CCDC40: variants seen among roughly 807,000 people sequenced by gnomAD.
The protein encoded by CCDC40 is coiled-coil domain-containing protein 40.
CCDC40 carries 104 observed loss-of-function variants against 124.5 expected under a neutral mutation model. That is an observed-to-expected ratio of 0.84 (90% CI 0.71 to 0.98). The LOEUF is 0.98. CCDC40 is among the 50% of genes least tolerant of loss of function. The pLI, the probability that CCDC40 is intolerant of heterozygous loss-of-function variation, is 0.00. For missense variants in CCDC40, 1,463 were observed against 1,503.9 expected, an observed-to-expected ratio of 0.97 and a Z score of 0.45; for synonymous variants, 580 against 602.9, an observed-to-expected ratio of 0.96 and a Z score of 0.56.
rs8074779 is a variant in CCDC40, at chr17:80,048,395, T to C, written c.677-188T>C. The C allele has an allele frequency of 0.021, 13,283 of 647,376 alleles. 1,102 individuals are homozygous for C. Among genetic ancestry groups the C allele is most frequent in the African/African-American group, 0.2 (10,995 of 56,068 alleles). The allele number at this position is 647,376 out of a possible 1,614,324, so 40.1% of individuals were successfully genotyped here. On this transcript the variant is annotated intron_variant, in intron 4 of 19. Coordinates refer to ENST00000397545, the MANE Select transcript of CCDC40 (RefSeq NM_017950.4). ...AACGGGACGCTTTCTCTGGGATGCA[T>C]TGAGTCAGGGAATAGAAGATGGGGT...
At chr17:80,065,696 G>T in intron 10 of CCDC40, 90 bp downstream of exon 10, 3 of 1,540,960 alleles carry the variant, frequency 1.9e-6, no homozygotes, top group Non-Finnish European at 2.7e-6. Flanking sequence ...TGGGTCCACC[G>T]GATCTCTGGG....
chr17:80,094,021 C>T lies in CCDC40; in HGVS notation c.2833-1242C>T, dbSNP rs563125520. On this transcript the variant is annotated intron_variant, in intron 17 of 19. Transcript: ENST00000397545. ...CATTTTAAACCTGAGTAAGCTTGGT[C>T]TCCCTTCACCCTGCTTATCTTCGGG... is the stretch of plus-strand genomic sequence containing the variant. Among the ~76,000 whole-genome samples, 6 of 152,272 alleles carry T rather than the reference C, an allele frequency of 3.9e-5. No homozygotes were observed. In the South Asian group the frequency reaches 1.2e-3, roughly 32 times the overall value.
At chr17:80,071,224 G>A (rs1170380943) in intron 10 of CCDC40, among the ~76,000 whole-genome samples, 1 of 152,196 alleles carries the variant, frequency 6.6e-6, no homozygotes, top group African/African-American at 2.4e-5. Context: ...AAGCACCCGT[G>A]CTCTTACCTG....
At chr17:80,081,020 C>T (rs1011713513) in intron 10 of CCDC40, among the ~76,000 whole-genome samples, 1 of 152,120 alleles carries the variant, frequency 6.6e-6, no homozygotes, top group Admixed American at 6.6e-5. Flanking sequence ...GTCAAAATAT[C>T]GCATGTACCT....
Position 80,058,808 on chromosome 17 carries a change from C to G in CCDC40, c.1318-50C>G. On this transcript the variant is annotated intron_variant, in intron 8 of 19. Coordinates refer to ENST00000397545, the MANE Select transcript of CCDC40 (RefSeq NM_017950.4). The surrounding 1 kb of genome is among the most constrained non-coding windows in gnomAD (Gnocchi z 4.2). Reference sequence around the variant, plus strand: ...ATCAAGGGTTGGTGGAGAACAGGCCCTCAGCCACGGGCACCTCCTGACGGG... The same window carrying G: ...ATCAAGGGTTGGTGGAGAACAGGCCGTCAGCCACGGGCACCTCCTGACGGG... 1 of 1,613,716 alleles carries G rather than the reference C, an allele frequency of 6.2e-7. No individual in the cohort carries two copies. The highest frequency in any genetic ancestry group is 1.1e-5 in the South Asian group (1 of 91,040).
At chr17:80,095,636 G>A (rs2038797723) in intron 18 of CCDC40, among the ~76,000 whole-genome samples, 185 bp downstream of exon 18, 1 of 152,076 alleles carries the variant, frequency 6.6e-6, no homozygotes, top group Non-Finnish European at 1.5e-5. Flanking sequence ...ACCATCCCCA[G>A]TTCTGCTAAC....
intron 17 of CCDC40, chr17:80,090,222 G>C (rs779396129): frequency 1.1e-6 from 1 of 877,076 alleles, no homozygotes; most frequent in Non-Finnish European, 1.6e-6. Flanking sequence ...CGAAGAACAC[G>C]GGACGCGCGC....
rs2038047982 is a variant in CCDC40, at chr17:80,066,392, CAAAAT to C, written c.1562+787_1562+791del. 3.6e-6 allele frequency: 2 copies of C among 549,666 alleles called. No individual in the cohort carries two copies. The highest frequency in any genetic ancestry group is 5.9e-5 in the East Asian group (2 of 33,966). The allele number at this position is 549,666 out of a possible 1,614,324, so 34.0% of individuals were successfully genotyped here. On this transcript the variant is annotated intron_variant, in intron 10 of 19. Transcript: ENST00000397545. This position sits in a 1 kb window ranked among gnomAD's most constrained non-coding sequence, Gnocchi z 4.4. Reference sequence around the variant, plus strand: ...CTTTTGGGTGCTGTGATTAAAGAAACAAAATGAAACCATTTTGTTTTTAAAAGTTT... The same window carrying C: ...CTTTTGGGTGCTGTGATTAAAGAAACGAAACCATTTTGTTTTTAAAAGTTT...
In CCDC40 at chr17:80,090,808, C is replaced by T; in HGVS notation, c.2832+924C>T. 2.4e-6 allele frequency: 3 copies of T among 1,228,690 alleles called. No individual in the cohort carries two copies. The South Asian group carries it at 6.7e-5, about 28-fold the overall frequency. 76.1% of individuals were successfully genotyped at this position (1,228,690 alleles called of 1,614,324 possible). A position where few individuals can be genotyped will look rare whatever the true frequency, so the allele number is the denominator to read the frequency against. ...ATAAAATAAATGGGCCTCACTTTCACCATGCCATGCTAAATAGAAATTCCT... is the reference window on the plus strand; with the variant it reads ...ATAAAATAAATGGGCCTCACTTTCATCATGCCATGCTAAATAGAAATTCCT... On this transcript the variant is annotated intron_variant, in intron 17 of 19. Transcript: ENST00000397545.
At position 80,095,193 on chromosome 17, in the gene CCDC40, C is replaced by T. The variant is rs1335527018; in HGVS notation, c.2833-70C>T. 12 of 1,474,614 alleles carry T rather than the reference C, an allele frequency of 8.1e-6. No homozygotes were observed. In the East Asian group the frequency reaches 1.8e-4, roughly 22 times the overall value. The allele number at this position is 1,474,614 out of a possible 1,614,324, so 91.3% of individuals were successfully genotyped here. On this transcript the variant is annotated intron_variant, in intron 17 of 19. Transcript: ENST00000397545. The stretch of plus-strand genomic sequence containing the variant: ...CACCGGAGGATGAGCGAGGCCAGCG[C>T]CCCGGCCACTCTCTCTGCAGCTGCA...
chr17:80,043,711 G>A (rs1337017077), intron 3 of CCDC40, among the ~76,000 whole-genome samples: 1 of 149,934 alleles, frequency 6.7e-6, no homozygotes, highest in African/African-American at 2.5e-5. Context: ...ACAAGGGGGC[G>A]TCTTACCATG....
At chr17:80,049,060 A>G (rs1025763486) in intron 5 of CCDC40, among the ~76,000 whole-genome samples, 11 of 139,744 alleles carry the variant, frequency 7.9e-5, no homozygotes, top group Admixed American at 2.7e-4. Context: ...CCCCTGCTAC[A>G]TGCCAGGAGC....
chr17:80,084,395 G>A (rs1044868393), intron 12 of CCDC40, among the ~76,000 whole-genome samples: 2 of 152,148 alleles, frequency 1.3e-5, no homozygotes, highest in Admixed American at 6.6e-5. Flanking sequence ...TGGGGGTAGC[G>A]GCCCCCATGG....
intron 1 of CCDC40, chr17:80,037,911 T>C (rs1023943880): frequency 4.0e-6 from 2 of 504,956 alleles, no homozygotes; most frequent in African/African-American, 3.9e-5. Context: ...TTTCATTCAT[T>C]CATGGAGCTT....
intron 10 of CCDC40, among the ~76,000 whole-genome samples, chr17:80,075,435 G>A (rs1343554524): frequency 2.0e-5 from 3 of 152,036 alleles, no homozygotes; most frequent in South Asian, 2.1e-4. Context: ...CTGCCACTAC[G>A]CCCAACTAAT....
chr17:80,095,331 CAG>C lies in CCDC40; in HGVS notation c.2907_2908del (p.Glu969AspfsTer28). 6.2e-7 allele frequency: 1 copy of C among 1,614,116 alleles called. No individual in the cohort carries two copies. ...IRAMELAVAR[R>X]ETVTTQAEGQ... ...GTGCCATGGAGTTGGCGGTTGCCCG[CAG>C]AGAGACCGTCACCACCCAGGCCGAG... On this transcript the variant is annotated frameshift_variant, in exon 18 of 20. Coordinates refer to ENST00000397545, the MANE Select transcript of CCDC40 (RefSeq NM_017950.4). LOFTEE classifies it high-confidence loss of function.
At chr17:80,077,535 TA>T (rs2038339018) in intron 10 of CCDC40, among the ~76,000 whole-genome samples, 1 of 152,154 alleles carries the variant, frequency 6.6e-6, no homozygotes, top group Non-Finnish European at 1.5e-5. Context: ...AAATAAACAA[TA>T]AAACAGCTGC....
In CCDC40 at chr17:80,076,611, C is replaced by G. The variant is rs965735051; in HGVS notation, c.1563-4935C>G. On this transcript the variant is annotated intron_variant, in intron 10 of 19. Coordinates refer to ENST00000397545, the MANE Select transcript of CCDC40 (RefSeq NM_017950.4). ...AAAAAAAAAAATTGCCACAGCCACC[C>G]CAGCCTTCAGCAACCACCACCCTCA... is the stretch of plus-strand genomic sequence containing the variant. Among the ~76,000 whole-genome samples the G allele has an allele frequency of 7.2e-4, 103 of 143,872 alleles. 1 individual carries two copies. The highest frequency in any genetic ancestry group is 3.0e-3 in the Admixed American group (45 of 14,992). 94.4% of individuals were successfully genotyped at this position (143,872 alleles called of 152,430 possible).
intron 3 of CCDC40, among the ~76,000 whole-genome samples, chr17:80,044,115 A>G (rs1410677403): frequency 8.5e-5 from 13 of 152,062 alleles, no homozygotes; most frequent in Admixed American, 8.5e-4. Flanking sequence ...AGGAACTATG[A>G]TTGTGCCCAT....
Sources: gnomAD v4.1 joint callset for allele counts (sites outside exome capture counted in the v4.1 genomes callset) on GRCh38, gnomAD v4.1.1 for gene constraint, Gnocchi (gnomAD v3.1) non-coding constraint, MANE v1.5 for transcripts, NCBI Gene and HGNC (gene_info 2026-07-23, HGNC 2026-07-21) for gene names.